Variants in ZDHHC14 observed in about 807,000 individuals in gnomAD.
ZDHHC14 encodes the protein palmitoyltransferase ZDHHC14.
In ZDHHC14, 16 loss-of-function variants were observed where a neutral mutation model predicts 47.7. The observed-to-expected ratio is 0.34, with a 90% CI of 0.23 to 0.51. The LOEUF (loss-of-function observed/expected upper bound fraction) is 0.51. Ranked by LOEUF, ZDHHC14 falls within the 20% of genes least tolerant of loss-of-function variation. ZDHHC14 has a pLI of 0.97. For missense variants in ZDHHC14, 515 were observed against 662.5 expected (o/e 0.78, Z 2.44); for synonymous variants, 293 against 278.9 (o/e 1.05, Z -0.50).
chr6:157,483,167 G>A (rs1779674671), intron 1 of ZDHHC14, among the ~76,000 whole-genome samples: 1 of 152,186 alleles, frequency 6.6e-6, no homozygotes, highest in African/African-American at 2.4e-5. Context: ...GCAGCATTTT[G>A]ATGTGATTCT....
At chr6:157,485,779 GGCGGGTGGATCACTT>G (rs1285392964) in intron 1 of ZDHHC14, among the ~76,000 whole-genome samples, 1 of 151,848 alleles carries the variant, frequency 6.6e-6, no homozygotes, top group Non-Finnish European at 1.5e-5. Context: ...GGGAGGCCAA[GGCGGGTGGATCACTT>G]GAGGTCAGGA....
At chr6:157,527,111 C>T (rs1781183168) in intron 1 of ZDHHC14, among the ~76,000 whole-genome samples, 1 of 152,168 alleles carries the variant, frequency 6.6e-6, no homozygotes, top group Non-Finnish European at 1.5e-5. Flanking sequence ...AATGTGAAAC[C>T]ATGGCCGTAG....
intron 1 of ZDHHC14, among the ~76,000 whole-genome samples, chr6:157,472,873 G>A (rs1205320080): frequency 6.6e-6 from 1 of 152,232 alleles, no homozygotes; most frequent in Admixed American, 6.5e-5. Context: ...CCCTGATAGT[G>A]TTGATGGGAG....
intron 3 of ZDHHC14, among the ~76,000 whole-genome samples, chr6:157,619,500 A>G (rs796303371): frequency 6.6e-5 from 10 of 152,360 alleles, no homozygotes; most frequent in African/African-American, 2.4e-4. Context: ...CTAGTAGTCA[A>G]GCTCCGTCAT....
chr6:157,494,916 C>T (rs1780017755), intron 1 of ZDHHC14, among the ~76,000 whole-genome samples: 3 of 152,196 alleles, frequency 2.0e-5, no homozygotes, highest in Non-Finnish European at 4.4e-5. Context: ...TTGAAAGTCT[C>T]TTCTTGTCTC....
At chr6:157,664,365 C>T (rs1778465788) in intron 8 of ZDHHC14, among the ~76,000 whole-genome samples, 2 of 152,148 alleles carry the variant, frequency 1.3e-5, no homozygotes, top group Admixed American at 1.3e-4. Context: ...TTATTGACTA[C>T]AGGACATTTT....
At chr6:157,510,740 C>T (rs1171964209) in intron 1 of ZDHHC14, among the ~76,000 whole-genome samples, 2 of 152,148 alleles carry the variant, frequency 1.3e-5, no homozygotes, top group Non-Finnish European at 2.9e-5. Context: ...TGGGAGGGGC[C>T]CGGGGTCCAC....
At chr6:157,559,207 C>A (rs1341443234) in intron 2 of ZDHHC14, among the ~76,000 whole-genome samples, 4 of 147,404 alleles carry the variant, frequency 2.7e-5, no homozygotes, top group Non-Finnish European at 6.0e-5. Context: ...AAAGGTGATT[C>A]ACGAGGATGT....
chr6:157,449,181 T>G (rs1778746927), intron 1 of ZDHHC14, among the ~76,000 whole-genome samples: 1 of 152,158 alleles, frequency 6.6e-6, no homozygotes, highest in Admixed American at 6.5e-5. Context: ...GGGGTGGAGT[T>G]AAGTTGGTAA....
chr6:157,563,491 T>C (rs967899761), intron 2 of ZDHHC14, among the ~76,000 whole-genome samples: 11 of 152,206 alleles, frequency 7.2e-5, no homozygotes, highest in African/African-American at 2.4e-4. Context: ...TGTGCTCTTA[T>C]GCCTCCAATA....
rs917957691 is a variant in ZDHHC14, at chr6:157,537,620, T to G, written c.246-4965T>G. On this transcript the variant is annotated intron_variant, in intron 1 of 8. Coordinates refer to ENST00000359775, the MANE Select transcript of ZDHHC14 (RefSeq NM_024630.3). Reference sequence around the variant, plus strand: ...CTGTTTGCTACACTGCCCTGAGTTGTATGTAGGTCACAATTCTTGAGACAG... The same window carrying G: ...CTGTTTGCTACACTGCCCTGAGTTGGATGTAGGTCACAATTCTTGAGACAG... Among the ~76,000 whole-genome samples, 4 of 152,226 alleles carry G rather than the reference T, an allele frequency of 2.6e-5. No homozygotes were observed. In the South Asian group the frequency reaches 8.3e-4, roughly 32 times the overall value.
intron 1 of ZDHHC14, among the ~76,000 whole-genome samples, chr6:157,487,857 G>C (rs1188701195): frequency 2.0e-5 from 3 of 152,176 alleles, no homozygotes; most frequent in African/African-American, 7.2e-5. Context: ...TCCCATCCAG[G>C]CAGGTCCCCC....
chr6:157,430,972 T>C (rs1778327959), intron 1 of ZDHHC14, among the ~76,000 whole-genome samples: 1 of 152,222 alleles, frequency 6.6e-6, no homozygotes, highest in Non-Finnish European at 1.5e-5. Flanking sequence ...TTATGATACA[T>C]TCTGGGACTT....
intron 4 of ZDHHC14, chr6:157,629,676 G>A (rs560504792): frequency 6.6e-6 from 1 of 152,052 alleles, no homozygotes; most frequent in Non-Finnish European, 1.5e-5. Flanking sequence ...TCATCCAAAC[G>A]TGACACAAAT....
chr6:157,402,818 C>A (rs1356921013), intron 1 of ZDHHC14, among the ~76,000 whole-genome samples: 1 of 152,170 alleles, frequency 6.6e-6, no homozygotes, highest in Non-Finnish European at 1.5e-5. Flanking sequence ...CCTCCGCCTC[C>A]TGGGTTCAAG....
intron 2 of ZDHHC14, among the ~76,000 whole-genome samples, chr6:157,579,527 A>G (rs758548779): frequency 2.0e-5 from 3 of 152,084 alleles, no homozygotes; most frequent in Non-Finnish European, 4.4e-5. Context: ...ATAAACATGG[A>G]ATGTTTTTCC....
intron 1 of ZDHHC14, among the ~76,000 whole-genome samples, chr6:157,389,528 A>G (rs946269979): frequency 5.3e-5 from 8 of 152,170 alleles, no homozygotes; most frequent in Non-Finnish European, 1.0e-4. Flanking sequence ...TTTGTTTTCT[A>G]TTTAACTAAT....
chr6:157,511,547 C>CTTTTTTTTTTTTTTTTTTTG (rs34988240), intron 1 of ZDHHC14, among the ~76,000 whole-genome samples: 1 of 114,924 alleles, frequency 8.7e-6, no homozygotes, highest in African/African-American at 3.7e-5. Context: ...AGCCCGGGTA[C>CTTTTTTTTTTTTTTTTTTTG]TTTTTTTTTT....
intron 3 of ZDHHC14, among the ~76,000 whole-genome samples, chr6:157,603,336 G>A (rs1229011193): frequency 2.0e-5 from 3 of 152,216 alleles, no homozygotes; most frequent in African/African-American, 7.2e-5. Flanking sequence ...AGAAGTACTT[G>A]ACAAGGTCGT....
Sources: allele counts gnomAD v4.1 joint callset (sites outside exome capture counted in the v4.1 genomes callset), GRCh38; gene constraint gnomAD v4.1.1; transcripts MANE v1.5; gene names NCBI Gene and HGNC (gene_info 2026-07-23, HGNC 2026-07-21).